The following KDM6A variants were observed in gnomAD, a reference collection of about 807,000 sequenced individuals.
KDM6A encodes the protein lysine demethylase 6A.
In KDM6A, 11 loss-of-function variants were observed where a neutral mutation model predicts 117.6. The ratio of observed to expected loss-of-function variants is 0.09; its 90% CI spans 0.06 to 0.15. KDM6A has a LOEUF of 0.15. Among genes scored for constraint, KDM6A ranks in the 10% least tolerant of loss-of-function variants. KDM6A has a pLI of 1.00. For synonymous variants in KDM6A, 384 were observed against 396.1 expected (o/e 0.97, Z 0.36); for missense variants, 799 against 1,077.3 (o/e 0.74, Z 3.62).
chrX:45,042,424 A>G (rs1011628699), intron 8 of KDM6A, among the ~76,000 whole-genome samples: 1 of 110,122 alleles, frequency 9.1e-6, no homozygotes, highest in African/African-American at 3.3e-5. Context: ...TTAAAAAAAA[A>G]CTCTACACCA....
intron 24 of KDM6A, among the ~76,000 whole-genome samples, chrX:45,085,246 G>A (rs766571277): frequency 5.2e-4 from 58 of 111,849 alleles, no homozygotes; most frequent in Admixed American, 1.0e-3. Context: ...AAATGGTAAT[G>A]ATATCTATAA....
At chrX:44,947,105 TTAAA>T (rs916594294) in intron 2 of KDM6A, among the ~76,000 whole-genome samples, 4 of 112,153 alleles carry the variant, frequency 3.6e-5, no homozygotes, top group African/African-American at 6.5e-5. Context: ...AAATATTGCA[TTAAA>T]TAAATATTCA....
At chrX:44,940,375 A>G (rs1023237581) in intron 2 of KDM6A, among the ~76,000 whole-genome samples, 1 of 111,564 alleles carries the variant, frequency 9.0e-6, no homozygotes, top group African/African-American at 3.3e-5. Flanking sequence ...ACTTAATTAT[A>G]CATTATCAAA....
intron 1 of KDM6A, 72 bp from the exon 2 acceptor site, chrX:44,873,852 C>T (rs1359537093): frequency 6.9e-6 from 8 of 1,161,502 alleles, no homozygotes; most frequent in Non-Finnish European, 9.3e-6. Flanking sequence ...CCGCTGGGGC[C>T]TCGGGCTCGG....
intron 7 of KDM6A, among the ~76,000 whole-genome samples, chrX:45,035,580 T>C (rs1210427160): frequency 2.7e-5 from 3 of 111,746 alleles, no homozygotes; most frequent in Admixed American, 9.5e-5. Flanking sequence ...TTTATCGATA[T>C]GTATTTAGGT....
At chrX:45,064,194 G>A (rs1202697884) in intron 17 of KDM6A, among the ~76,000 whole-genome samples, 4 of 112,055 alleles carry the variant, frequency 3.6e-5, no homozygotes, top group East Asian at 2.8e-4. Context: ...TTGCTTTAGT[G>A]GGAGAAAAAG....
At chrX:45,057,482 A>T (rs1212318690) in intron 10 of KDM6A, among the ~76,000 whole-genome samples, 1 of 110,708 alleles carries the variant, frequency 9.0e-6, no homozygotes, top group Non-Finnish European at 1.9e-5. Context: ...TTTCACTCCA[A>T]TTTTGGCCTG....
chrX:45,061,483 A>ATTTT lies in KDM6A; in HGVS notation c.1581+87_1581+90dup, dbSNP rs1161774144. 1,060 of 233,630 alleles carry ATTTT rather than the reference A, an allele frequency of 4.5e-3. 30 individuals are homozygous for ATTTT. Among genetic ancestry groups the ATTTT allele is most frequent in the African/African-American group, 0.02 (346 of 16,981 alleles). The allele number at this position is 233,630 out of a possible 1,213,427, so 19.3% of individuals were successfully genotyped here. On this transcript the variant is annotated intron_variant, in intron 15 of 29. Coordinates refer to ENST00000611820, the MANE Select transcript of KDM6A (RefSeq NM_001291415.2). Reference sequence around the variant, plus strand: ...GAGTAGAGGTAGCAAACAAGTATTAATTTTTTTTTTTTTTTTTTTTTTTTT... The same window carrying ATTTT: ...GAGTAGAGGTAGCAAACAAGTATTAATTTTTTTTTTTTTTTTTTTTTTTTTTTTT...
chrX:45,083,722 C>G, intron 24 of KDM6A, 114 bp downstream of exon 24: 1 of 693,412 alleles, frequency 1.4e-6, no homozygotes, highest in East Asian at 3.5e-5. Context: ...GAGAGTTGTT[C>G]CTGTTATAAG....
Position 45,076,762 on chromosome X carries a change from C to T in KDM6A, c.2924C>T (p.Pro975Leu), listed in dbSNP as rs1198926949. The T allele has an allele frequency of 8.5e-7, 1 of 1,175,884 alleles. No individual in the cohort carries two copies. Among genetic ancestry groups the T allele is most frequent in the Non-Finnish European group, 1.2e-6 (1 of 865,133 alleles). ...ILLDKCPPPR[P>L]PSSPYPPLPK... is the part of the protein sequence containing the mutation. ...TTGGATAAATGTCCACCTCCAAGACCACCATCTTCACCATACCCTCCCTTG... is the reference window on the plus strand; with the variant it reads ...TTGGATAAATGTCCACCTCCAAGACTACCATCTTCACCATACCCTCCCTTG... The change falls in exon 19 of 30, where the codon CCA (proline) becomes CTA (leucine). Residue 975 changes from proline to leucine, a missense_variant. Around this residue, in one of 8 missense-constraint regions of KDM6A, gnomAD observed 291 missense variants for 437.9 expected, o/e 0.66. Transcript: ENST00000611820.
chrX:44,902,432 C>T (rs1200564076), intron 2 of KDM6A, among the ~76,000 whole-genome samples: 2 of 106,750 alleles, frequency 1.9e-5, no homozygotes, highest in Non-Finnish European at 3.9e-5. Flanking sequence ...CTCTGTCGCC[C>T]AGGCTGGAGT....
At chrX:45,008,948 A>G (rs2041633382) in intron 4 of KDM6A, among the ~76,000 whole-genome samples, 3 of 111,834 alleles carry the variant, frequency 2.7e-5, no homozygotes, top group Admixed American at 1.9e-4. Context: ...ACATTTGACA[A>G]TGTATTTAAG....
intron 2 of KDM6A, among the ~76,000 whole-genome samples, chrX:44,954,876 C>A (rs958601808): frequency 9.0e-6 from 1 of 110,586 alleles, no homozygotes; most frequent in Non-Finnish European, 1.9e-5. Flanking sequence ...GTAGTACGGG[C>A]ATTCATTGGA....
rs370175800 is a variant in KDM6A at position 45,109,497 on chromosome X, G to A, written c.4162-582G>A. Reference sequence around the variant, plus strand: ...ATAAGCCAAAGACAGGATGTTGATGGTCCATTTCAAACCTTGAAATTCTGT... The same window carrying A: ...ATAAGCCAAAGACAGGATGTTGATGATCCATTTCAAACCTTGAAATTCTGT... On this transcript the variant is annotated intron_variant, in intron 28 of 29. Coordinates refer to ENST00000611820, the MANE Select transcript of KDM6A (RefSeq NM_001291415.2). 2.6e-4 allele frequency among the ~76,000 whole-genome samples: 29 copies of A among 111,658 alleles called. No individual in the cohort carries two copies. In the South Asian group the frequency reaches 0.011, roughly 41 times the overall value.
rs1436449900 is a variant in KDM6A, at chrX:45,082,789, A to G, written c.3440A>G (p.Lys1147Arg). The change falls in exon 23 of 30, where the codon AAG (lysine) becomes AGG (arginine). Residue 1147 changes from lysine to arginine, a missense_variant and splice_region_variant. By Grantham distance (26) the Lys-to-Arg change is conservative. Coordinates refer to ENST00000611820, the MANE Select transcript of KDM6A (RefSeq NM_001291415.2). ...GTNIDLSDDK[K>R]WKLQLHELTK... ...AATATTGACCTATCTGATGACAAAA[A>G]GTAAGTCCTTGTAGTAATATTTCTG... 1 of 1,152,279 alleles carries G rather than the reference A, an allele frequency of 8.7e-7. No individual in the cohort carries two copies. The highest frequency in any genetic ancestry group is 2.2e-5 in the Admixed American group (1 of 45,889). 95.0% of individuals were successfully genotyped at this position (1,152,279 alleles called of 1,213,427 possible).
chrX:44,970,592 C>T (rs759917539), intron 3 of KDM6A, among the ~76,000 whole-genome samples: 5 of 111,045 alleles, frequency 4.5e-5, no homozygotes, highest in Non-Finnish European at 7.5e-5. Flanking sequence ...AGTATGCCCT[C>T]CAAATTTGTG....
chrX:45,100,385 G>C (rs1418065735), intron 27 of KDM6A, among the ~76,000 whole-genome samples: 1 of 111,955 alleles, frequency 8.9e-6, no homozygotes, highest in African/African-American at 3.3e-5. Flanking sequence ...CTGTTGTCAA[G>C]TTAGTGCAAT....
intron 17 of KDM6A, among the ~76,000 whole-genome samples, chrX:45,067,651 TTG>T (rs1468047018): frequency 2.1e-5 from 2 of 96,630 alleles, no homozygotes; most frequent in African/African-American, 5.1e-5. Flanking sequence ...TATCTTTTTT[TTG>T]TTTTTTTTTT....
chrX:45,006,552 C>T (rs1245615245), intron 4 of KDM6A, among the ~76,000 whole-genome samples: 1 of 109,941 alleles, frequency 9.1e-6, no homozygotes, highest in Non-Finnish European at 1.9e-5. Context: ...ACCGCCCAGG[C>T]TAAACTAATT....
Sources: gnomAD v4.1 joint callset for allele counts (sites outside exome capture counted in the v4.1 genomes callset) on GRCh38, gnomAD v4.1.1 for gene constraint, gnomAD v4.1.1 regional missense constraint, MANE v1.5 for transcripts, NCBI Gene and HGNC (gene_info 2026-07-23, HGNC 2026-07-21) for gene names.